Variants in GRIK1 observed in about 807,000 individuals in gnomAD.
GRIK1 encodes the protein glutamate receptor ionotropic, kainate 1.
In GRIK1, 69 loss-of-function variants were observed where a neutral mutation model predicts 105.7. The observed-to-expected ratio is 0.65, with a 90% confidence interval of 0.54 to 0.80. The LOEUF is 0.80. Among genes scored for constraint, GRIK1 ranks in the 30% least tolerant of loss-of-function variants. The probability of loss-of-function intolerance (pLI) is 0.00; values close to 1 mark genes in which losing one functional copy is unlikely to be tolerated. For synonymous variants in GRIK1, 438 were observed against 431.3 expected (o/e 1.02, Z -0.19); for missense variants, 1,109 against 1,167.3 (o/e 0.95, Z 0.73).
At chr21:29,583,069 T>C (rs760922209) in intron 12 of GRIK1, among the ~76,000 whole-genome samples, 2 of 152,144 alleles carry the variant, frequency 1.3e-5, no homozygotes, top group Non-Finnish European at 2.9e-5. Flanking sequence ...TCATTGAGTC[T>C]TAGGGGGACT....
intron 1 of GRIK1, among the ~76,000 whole-genome samples, chr21:29,765,589 G>C (rs1025982103): frequency 1.3e-5 from 2 of 152,058 alleles, no homozygotes; most frequent in African/African-American, 4.8e-5. Context: ...AATAGTTACT[G>C]AGAGGGCCTT....
intron 3 of GRIK1, among the ~76,000 whole-genome samples, chr21:29,674,214 T>C (rs1003785903): frequency 6.6e-6 from 1 of 152,004 alleles, no homozygotes; most frequent in Admixed American, 6.6e-5. Context: ...GTATTCCAGC[T>C]ACTGTCAAAG....
intron 1 of GRIK1, among the ~76,000 whole-genome samples, chr21:29,782,522 G>A (rs2066152038): frequency 6.6e-6 from 1 of 152,176 alleles, no homozygotes; most frequent in Non-Finnish European, 1.5e-5. Flanking sequence ...CCAAGATGGA[G>A]TATCATGAGG....
chr21:29,666,542 G>A (rs1365277864), intron 4 of GRIK1, among the ~76,000 whole-genome samples: 2 of 152,190 alleles, frequency 1.3e-5, no homozygotes, highest in African/African-American at 4.8e-5. Flanking sequence ...TAATCGGGCA[G>A]AGATTTGGGT....
intron 7 of GRIK1, among the ~76,000 whole-genome samples, chr21:29,609,314 A>C (rs948882810): frequency 2.0e-5 from 3 of 152,120 alleles, no homozygotes; most frequent in African/African-American, 7.2e-5. Flanking sequence ...CAGACAACTT[A>C]CTAGCTTTTA....
At chr21:29,739,445 C>G in intron 1 of GRIK1, among the ~76,000 whole-genome samples, 1 of 152,104 alleles carries the variant, frequency 6.6e-6, no homozygotes, top group East Asian at 1.9e-4. Context: ...GGCTTGTAAA[C>G]TGCACTGAAG....
chr21:29,902,508 C>G (rs1008319662), intron 1 of GRIK1, among the ~76,000 whole-genome samples: 1 of 152,162 alleles, frequency 6.6e-6, no homozygotes, highest in African/African-American at 2.4e-5. Flanking sequence ...CAATAACAGA[C>G]AGAGAGCCAA....
At chr21:29,554,975 A>C in intron 16 of GRIK1, 77 bp downstream of exon 16, 1 of 1,244,882 alleles carries the variant, frequency 8.0e-7, no homozygotes, top group Non-Finnish European at 1.1e-6. Flanking sequence ...AAAAGAGCAA[A>C]CATCCTTAAA....
intron 1 of GRIK1, among the ~76,000 whole-genome samples, chr21:29,797,274 A>G (rs2066584909): frequency 6.6e-6 from 1 of 152,202 alleles, no homozygotes; most frequent in Admixed American, 6.5e-5. Flanking sequence ...AGGTCTGAGG[A>G]AGCCACGCAG....
At chr21:29,833,052 G>T (rs2067687000) in intron 1 of GRIK1, among the ~76,000 whole-genome samples, 1 of 152,068 alleles carries the variant, frequency 6.6e-6, no homozygotes, top group Non-Finnish European at 1.5e-5. Context: ...ATCACTCTCT[G>T]GTTCAAAGTT....
chr21:29,810,109 C>T (rs2066971655), intron 1 of GRIK1, among the ~76,000 whole-genome samples: 1 of 151,940 alleles, frequency 6.6e-6, no homozygotes, highest in Non-Finnish European at 1.5e-5. Context: ...ACCAGTATTG[C>T]CAACATGGTG....
chr21:29,772,158 GA>G (rs2065829936), intron 1 of GRIK1, among the ~76,000 whole-genome samples: 1 of 151,886 alleles, frequency 6.6e-6, no homozygotes, highest in African/African-American at 2.4e-5. Context: ...TGAATCTTTC[GA>G]AATGGAAATG....
chr21:29,782,752 A>G (rs2066158038), intron 1 of GRIK1, among the ~76,000 whole-genome samples: 1 of 152,228 alleles, frequency 6.6e-6, no homozygotes, highest in African/African-American at 2.4e-5. Context: ...TCAGTTAATG[A>G]ATATATCTAA....
intron 1 of GRIK1, among the ~76,000 whole-genome samples, chr21:29,924,175 T>A (rs976531918): frequency 1.3e-5 from 2 of 151,686 alleles, no homozygotes; most frequent in Admixed American, 6.6e-5. Context: ...CCATCTCTAC[T>A]AAATATACAA....
At chr21:29,755,690 A>G in intron 1 of GRIK1, among the ~76,000 whole-genome samples, 1 of 152,202 alleles carries the variant, frequency 6.6e-6, no homozygotes, top group East Asian at 1.9e-4. Context: ...GCCCTCTGAT[A>G]TGGAATGAGA....
intron 7 of GRIK1, among the ~76,000 whole-genome samples, chr21:29,600,206 C>T (rs2061493731): frequency 1.3e-5 from 2 of 152,160 alleles, no homozygotes; most frequent in South Asian, 2.1e-4. Context: ...TCCTTAATCA[C>T]CTATGCAAAG....
chr21:29,777,140 G>A (rs1410952837), intron 1 of GRIK1, among the ~76,000 whole-genome samples: 1 of 152,108 alleles, frequency 6.6e-6, no homozygotes, highest in Non-Finnish European at 1.5e-5. Flanking sequence ...AATCTCTGGA[G>A]ATTAATATAA....
At chr21:29,703,107 A>T (rs527592607) in intron 1 of GRIK1, among the ~76,000 whole-genome samples, 71 of 152,246 alleles carry the variant, frequency 4.7e-4, no homozygotes, top group Non-Finnish European at 7.5e-4. Context: ...CAAATATGGC[A>T]CATAGTTGTA....
chr21:29,938,407 A>G (rs2071848474), intron 1 of GRIK1, among the ~76,000 whole-genome samples: 2 of 152,242 alleles, frequency 1.3e-5, no homozygotes, highest in African/African-American at 4.8e-5. Flanking sequence ...AGGAGGGCAA[A>G]TGAGATTCAG....
Sources: allele counts gnomAD v4.1 joint callset (sites outside exome capture counted in the v4.1 genomes callset), GRCh38; gene constraint gnomAD v4.1.1; transcripts MANE v1.5; gene names NCBI Gene and HGNC (gene_info 2026-07-23, HGNC 2026-07-21).